The following PTPRG variants were observed in gnomAD, a reference collection of about 807,000 sequenced individuals.
The protein encoded by PTPRG is receptor-type tyrosine-protein phosphatase gamma.
PTPRG carries 102 observed loss-of-function variants against 165.3 expected under a neutral mutation model. The observed-to-expected ratio is 0.62, with a 90% confidence interval of 0.53 to 0.73. PTPRG has a LOEUF of 0.73. PTPRG is among the 30% of genes least tolerant of loss of function. PTPRG has a pLI of 0.00. For missense variants in PTPRG, 1,866 were observed against 1,861.4 expected, an observed-to-expected ratio of 1.00 and a Z score of -0.05; for synonymous variants, 675 against 669.5, an observed-to-expected ratio of 1.01 and a Z score of -0.13.
At chr3:61,916,668 T>C (rs1001645961) in intron 2 of PTPRG, among the ~76,000 whole-genome samples, 2 of 152,246 alleles carry the variant, frequency 1.3e-5, no homozygotes, top group Non-Finnish European at 2.9e-5. Flanking sequence ...TTTTAATTGC[T>C]TGCATGTGTT....
intron 2 of PTPRG, among the ~76,000 whole-genome samples, chr3:61,789,346 G>C (rs2034804755): frequency 6.6e-6 from 1 of 152,138 alleles, no homozygotes; most frequent in Non-Finnish European, 1.5e-5. Flanking sequence ...GATCTCAAGT[G>C]ATCCTCCAGC....
chr3:61,719,379 T>C (rs563991003), intron 1 of PTPRG, among the ~76,000 whole-genome samples: 1 of 152,292 alleles, frequency 6.6e-6, no homozygotes, highest in East Asian at 1.9e-4. Context: ...TGGGGATGAC[T>C]GGTGTCGAGG....
intron 2 of PTPRG, among the ~76,000 whole-genome samples, chr3:61,931,479 G>A (rs964417051): frequency 1.4e-4 from 22 of 152,102 alleles, no homozygotes; most frequent in African/African-American, 4.8e-4. Context: ...TCATGGCCAC[G>A]TTACCCGTGC....
At chr3:61,788,739 A>G (rs1197369548) in intron 2 of PTPRG, among the ~76,000 whole-genome samples, 2 of 152,264 alleles carry the variant, frequency 1.3e-5, no homozygotes, top group African/African-American at 2.4e-5. Flanking sequence ...TGAGTTGTAT[A>G]GTTTTCGTTG....
chr3:62,048,104 T>G (rs1700354791), intron 4 of PTPRG, among the ~76,000 whole-genome samples: 1 of 152,160 alleles, frequency 6.6e-6, no homozygotes, highest in Non-Finnish European at 1.5e-5. Flanking sequence ...TGTTTCGTAT[T>G]TAATAGAACA....
intron 8 of PTPRG, among the ~76,000 whole-genome samples, chr3:62,169,953 A>AT (rs921195346): frequency 1.3e-5 from 2 of 152,128 alleles, no homozygotes; most frequent in Admixed American, 1.3e-4. Flanking sequence ...GAAAGAGCCC[A>AT]TTTTCTAGGC....
chr3:61,792,668 TTTTCTTTCTTTCTTTCTTTCTTTC>T (rs199609616), intron 2 of PTPRG, among the ~76,000 whole-genome samples: 21,895 of 118,028 alleles, frequency 0.19, 2,488 homozygotes, highest in Admixed American at 0.2. Context: ...TTTTTGTGGG[TTTTCTTTCTTTCTTTCTTTCTTTC>T]TTTCTTTCTT....
intron 2 of PTPRG, among the ~76,000 whole-genome samples, chr3:61,782,631 C>G (rs2034578195): frequency 1.3e-5 from 2 of 152,176 alleles, no homozygotes; most frequent in Admixed American, 1.3e-4. Context: ...TTAATTGAGG[C>G]AGAGTGCTCT....
chr3:61,816,745 TATG>T (rs2035774409), intron 2 of PTPRG, among the ~76,000 whole-genome samples: 1 of 151,650 alleles, frequency 6.6e-6, no homozygotes, highest in South Asian at 2.1e-4. Flanking sequence ...CTTGATGAGA[TATG>T]ATGAAAGTTT....
intron 2 of PTPRG, among the ~76,000 whole-genome samples, chr3:61,756,904 T>A (rs1354782065): frequency 2.0e-5 from 3 of 152,152 alleles, no homozygotes. Context: ...TGGATCCTTT[T>A]TGGAGGAGAG....
chr3:62,166,601 G>T (rs928059778), intron 7 of PTPRG, among the ~76,000 whole-genome samples: 2 of 152,004 alleles, frequency 1.3e-5, no homozygotes, highest in Non-Finnish European at 1.5e-5. Context: ...CTCCCAAAGC[G>T]GTGGGATTTC....
intron 4 of PTPRG, among the ~76,000 whole-genome samples, chr3:62,056,287 G>A (rs1464229441): frequency 6.6e-6 from 1 of 152,162 alleles, no homozygotes; most frequent in Non-Finnish European, 1.5e-5. Flanking sequence ...CTGTACAAAG[G>A]GTATAGGAGT....
chr3:61,960,532 A>G (rs1435118995), intron 2 of PTPRG, among the ~76,000 whole-genome samples: 5 of 152,208 alleles, frequency 3.3e-5, no homozygotes, highest in African/African-American at 1.2e-4. Context: ...GACTGAGCCT[A>G]AGTAAAACTG....
chr3:62,160,553 G>T (rs1314358630), intron 7 of PTPRG, among the ~76,000 whole-genome samples: 2 of 152,244 alleles, frequency 1.3e-5, no homozygotes, highest in African/African-American at 4.8e-5. Context: ...GATGTCAGAG[G>T]AGCCGGACAA....
intron 4 of PTPRG, among the ~76,000 whole-genome samples, chr3:62,067,002 C>CA (rs908468394): frequency 4.9e-5 from 7 of 143,986 alleles, no homozygotes; most frequent in African/African-American, 1.8e-4. Context: ...CACGCCACTG[C>CA]ACTCCAGCTT....
At chr3:61,730,979 C>T (rs941857623) in intron 1 of PTPRG, among the ~76,000 whole-genome samples, 2 of 152,138 alleles carry the variant, frequency 1.3e-5, no homozygotes, top group African/African-American at 4.8e-5. Context: ...TCTGTATTTG[C>T]TGTGGGCCCC....
rs199603018 is a variant in PTPRG, at chr3:62,074,355, T to TC, written c.520-3808_520-3807insC. Among the ~76,000 whole-genome samples, 359 of 65,258 alleles carry TC rather than the reference T, an allele frequency of 5.5e-3. 3 individuals are homozygous for TC. Among genetic ancestry groups the TC allele is most frequent in the African/African-American group, 0.019 (338 of 17,714 alleles). 42.8% of individuals were successfully genotyped at this position (65,258 alleles called of 152,430 possible). A position where few individuals can be genotyped will look rare whatever the true frequency, so the allele number is the denominator to read the frequency against. ...TTTCCTTTCTTTTCTTTTCTTTCTT[T>TC]TTTTTTTTTTTTTTTTTTGAGACAG... is the stretch of plus-strand genomic sequence containing the variant. On this transcript the variant is annotated intron_variant, in intron 4 of 29. Transcript: ENST00000474889.
At chr3:61,868,765 T>A (rs543096418) in intron 2 of PTPRG, among the ~76,000 whole-genome samples, 2 of 152,320 alleles carry the variant, frequency 1.3e-5, no homozygotes, top group African/African-American at 4.8e-5. Flanking sequence ...GTTCTCAAGG[T>A]TTCTAAGTCC....
chr3:62,277,090 G>A (rs766278488), intron 25 of PTPRG, 42 bp downstream of exon 25: 4 of 1,526,894 alleles, frequency 2.6e-6, no homozygotes, highest in Admixed American at 3.4e-5. Context: ...CAACTAAACT[G>A]AAAGGTGTTA....
Sources: allele counts gnomAD v4.1 joint callset (sites outside exome capture counted in the v4.1 genomes callset), GRCh38; gene constraint gnomAD v4.1.1; transcripts MANE v1.5; gene names NCBI Gene and HGNC (gene_info 2026-07-23, HGNC 2026-07-21).